RALGAPB: variants seen among roughly 807,000 people sequenced by gnomAD.
RALGAPB encodes ral GTPase-activating protein subunit beta.
A neutral mutation model predicts 161.1 loss-of-function variants in RALGAPB; 25 were observed. The observed-to-expected ratio is 0.16, with a 90% confidence interval of 0.11 to 0.22. RALGAPB has a LOEUF of 0.22. Among genes scored for constraint, RALGAPB ranks in the 10% least tolerant of loss-of-function variants. The probability of loss-of-function intolerance (pLI) is 1.00; values close to 1 mark genes in which losing one functional copy is unlikely to be tolerated. For missense variants in RALGAPB, 1,391 were observed against 1,815.2 expected (o/e 0.77, Z 4.25); for synonymous variants, 629 against 626.1 (o/e 1.00, Z -0.07).
chr20:38,570,853 C>G lies in RALGAPB; in HGVS notation c.4142+6C>G. On this transcript the variant is annotated splice_donor_region_variant and intron_variant, in intron 28 of 29. Coordinates refer to ENST00000262879, the MANE Select transcript of RALGAPB (RefSeq NM_020336.4). ...AATAGTAGCACTTCACTGAGGTACA[C>G]TCTATTTGCTTGAAGTTCATCAGCG... The G allele has an allele frequency of 6.4e-7, 1 of 1,571,554 alleles. No individual in the cohort carries two copies. The highest frequency in any genetic ancestry group is 8.7e-7 in the Non-Finnish European group (1 of 1,144,636).
At chr20:38,494,762 G>T (rs541707646) in intron 3 of RALGAPB, among the ~76,000 whole-genome samples, 14 of 152,316 alleles carry the variant, frequency 9.2e-5, no homozygotes, top group African/African-American at 3.4e-4. Flanking sequence ...AGCCTACTAG[G>T]CTTTTTCTTC....
chr20:38,488,304 G>A, intron 1 of RALGAPB, 99 bp from the exon 2 acceptor site: 1 of 726,664 alleles, frequency 1.4e-6, no homozygotes, highest in Non-Finnish European at 2.2e-6. Flanking sequence ...GATGTTTGCA[G>A]CATTCTTTAT....
chr20:38,493,393 A>C (rs1442872246), intron 3 of RALGAPB, among the ~76,000 whole-genome samples: 1 of 152,224 alleles, frequency 6.6e-6, no homozygotes, highest in African/African-American at 2.4e-5. Context: ...AAAATACTGT[A>C]ACATCTTTCC....
chr20:38,558,147 CTTTAG>C (rs1253888296), intron 22 of RALGAPB, 143 bp from the exon 23 acceptor site: 6 of 581,500 alleles, frequency 1.0e-5, no homozygotes, highest in Non-Finnish European at 1.3e-5. Flanking sequence ...TAAATAGTTT[CTTTAG>C]TTTAGGATTA....
chr20:38,527,834 G>T (rs1473809084), intron 13 of RALGAPB, among the ~76,000 whole-genome samples: 1 of 152,210 alleles, frequency 6.6e-6, no homozygotes, highest in Non-Finnish European at 1.5e-5. Flanking sequence ...ACTTTCCAAG[G>T]AAGAGTCAGT....
intron 13 of RALGAPB, among the ~76,000 whole-genome samples, chr20:38,530,331 C>A (rs1311760101): frequency 6.6e-6 from 1 of 152,194 alleles, no homozygotes; most frequent in East Asian, 1.9e-4. Context: ...AATACTACAT[C>A]TTTGTTTACA....
chr20:38,565,329 C>A lies in RALGAPB; in HGVS notation c.3698-30C>A, dbSNP rs539568513. 8 of 1,601,904 alleles carry A rather than the reference C, an allele frequency of 5.0e-6. No homozygotes were observed. The Admixed American group carries it at 1.4e-4, about 28-fold the overall frequency. On this transcript the variant is annotated intron_variant, in intron 24 of 29. Coordinates refer to ENST00000262879, the MANE Select transcript of RALGAPB (RefSeq NM_020336.4). ...ACTGGTTTTTTCCTACTTTTTGAAGCGGTAATGTAGTGTTTCTTTTTCCCA... is the reference window on the plus strand; with the variant it reads ...ACTGGTTTTTTCCTACTTTTTGAAGAGGTAATGTAGTGTTTCTTTTTCCCA...
chr20:38,481,936 C>A (rs1167398270), intron 1 of RALGAPB, among the ~76,000 whole-genome samples: 1 of 152,142 alleles, frequency 6.6e-6, no homozygotes, highest in Admixed American at 6.5e-5. Flanking sequence ...GTTGTACCAA[C>A]ATTTCTACCA....
chr20:38,539,844 T>C lies in RALGAPB; in HGVS notation c.2448T>C (p.Tyr816=), dbSNP rs184248321. The stretch of plus-strand genomic sequence containing the variant: ...GTTCTGTGTGCACCTACATTGTTTA[T>C]CAGTGTAGTCGGCCAGCTCCTTTAC... ...AISSVCTYIV[Y]QCSRPAPLHS... Residue 816 remains tyrosine, a synonymous_variant, in exon 17 of 30, where the codon TAT becomes TAC. Transcript: ENST00000262879. The C allele has an allele frequency of 1.2e-6, 2 of 1,614,114 alleles. No individual in the cohort carries two copies. The highest frequency in any genetic ancestry group is 2.7e-5 in the African/African-American group (2 of 75,048).
chr20:38,543,204 A>C (rs747762231), intron 18 of RALGAPB, among the ~76,000 whole-genome samples: 46 of 152,306 alleles, frequency 3.0e-4, no homozygotes, highest in Middle Eastern at 3.4e-3. Flanking sequence ...ACGTGTCTCT[A>C]ACCAGATTTC....
intron 23 of RALGAPB, 41 bp from the exon 24 acceptor site, chr20:38,562,491 T>C (rs2087819469): frequency 1.2e-5 from 18 of 1,466,688 alleles, no homozygotes; most frequent in Non-Finnish European, 1.7e-5. Context: ...ATATATTATT[T>C]TGTTTCCTTC....
chr20:38,574,246 T>C lies in RALGAPB; in HGVS notation c.4239T>C (p.Phe1413=), dbSNP rs150877119. Residue 1413 remains phenylalanine (F), a synonymous_variant, in exon 29 of 30, where the codon TTT becomes TTC. Coordinates refer to ENST00000262879, the MANE Select transcript of RALGAPB (RefSeq NM_020336.4). ...AAATTCAAGGAGCCACTGGAAAATT[T>C]AATATGGTCATCCCTCTTGTGGATG... is the stretch of plus-strand genomic sequence containing the variant. ...RIKIQGATGK[F]NMVIPLVDGM... 1 of 1,613,940 alleles carries C rather than the reference T, an allele frequency of 6.2e-7. No individual in the cohort carries two copies. The highest frequency in any genetic ancestry group is 8.5e-7 in the Non-Finnish European group (1 of 1,179,910).
intron 1 of RALGAPB, among the ~76,000 whole-genome samples, chr20:38,485,966 C>CTTTTTTTTTTTTT (rs11481893): frequency 7.7e-5 from 7 of 90,708 alleles, no homozygotes; most frequent in African/African-American, 8.9e-5. Context: ...CTTTCTATAT[C>CTTTTTTTTTTTTT]TTTTTTTTTT....
intron 15 of RALGAPB, among the ~76,000 whole-genome samples, chr20:38,533,350 GC>G (rs1262189233): frequency 6.6e-6 from 1 of 152,096 alleles, no homozygotes; most frequent in African/African-American, 2.4e-5. Flanking sequence ...TTTATTTTCT[GC>G]CCTGCCAAGT....
At position 38,549,549 on chromosome 20, in the gene RALGAPB, A is replaced by ATAT. The variant is rs869239679; in HGVS notation, c.3009+754_3009+755insTAT. 4.0e-3 allele frequency among the ~76,000 whole-genome samples: 518 copies of ATAT among 131,050 alleles called. 3 individuals are homozygous for ATAT. The highest frequency in any genetic ancestry group is 8.5e-3 in the African/African-American group (291 of 34,290). The allele number at this position is 131,050 out of a possible 152,430, so 86.0% of individuals were successfully genotyped here. A position where few individuals can be genotyped will look rare whatever the true frequency, so the allele number is the denominator to read the frequency against. On this transcript the variant is annotated intron_variant, in intron 20 of 29. Transcript: ENST00000262879. ...CAGCCTAATTAAAAAAAAAAAAAAA[A>ATAT]ATATATATATATATACACACACACA...
chr20:38,542,236 G>A (rs1485685613), intron 18 of RALGAPB, among the ~76,000 whole-genome samples: 1 of 152,170 alleles, frequency 6.6e-6, no homozygotes, highest in Non-Finnish European at 1.5e-5. Context: ...CTTGGTCTTA[G>A]TAAAGTAGCA....
intron 21 of RALGAPB, 66 bp from the exon 22 acceptor site, chr20:38,553,801 A>AC (rs1555883672): frequency 8.1e-6 from 7 of 861,890 alleles, no homozygotes; most frequent in Non-Finnish European, 1.0e-5. Flanking sequence ...AAAAAAAAAA[A>AC]CACTTAAGAT....
At chr20:38,547,804 G>A (rs1277407837) in intron 19 of RALGAPB, 35 of 152,182 alleles carry the variant, frequency 2.3e-4, no homozygotes, top group Non-Finnish European at 1.5e-5. Context: ...TAGACATGGA[G>A]CTTGCTTGGC....
Position 38,517,840 on chromosome 20 carries a change from G to A in RALGAPB, c.1257G>A (p.Leu419=), listed in dbSNP as rs2086178083. ...VQHQTSSTSP[L]SSPNQTSSEP... ...ACCAGACGTCCTCCACCTCTCCTCT[G>A]TCAAGTCCAAATCAGACTAGTTCAG... The change falls in exon 9 of 30, where the codon CTG becomes CTA. Residue 419 remains leucine, a synonymous_variant. Coordinates refer to ENST00000262879, the MANE Select transcript of RALGAPB (RefSeq NM_020336.4). 1.2e-6 allele frequency: 2 copies of A among 1,614,010 alleles called. No individual in the cohort carries two copies. Among genetic ancestry groups the A allele is most frequent in the East Asian group, 4.5e-5 (2 of 44,868 alleles).
Sources: allele counts gnomAD v4.1 joint callset (sites outside exome capture counted in the v4.1 genomes callset), GRCh38; gene constraint gnomAD v4.1.1; transcripts MANE v1.5; gene names NCBI Gene and HGNC (gene_info 2026-07-23, HGNC 2026-07-21).